Variants in ASIC2 observed in about 807,000 individuals in gnomAD.
ASIC2 encodes acid-sensing ion channel 2.
Under a neutral mutation model 57.3 loss-of-function variants are expected in ASIC2, and 25 were observed. The observed-to-expected ratio is 0.44, with a 90% CI of 0.32 to 0.61. The LOEUF is 0.61. Ranked by LOEUF, ASIC2 falls within the 20% of genes least tolerant of loss-of-function variation. The pLI, the probability that ASIC2 is intolerant of heterozygous loss-of-function variation, is 0.06. For synonymous variants in ASIC2, 319 were observed against 307.5 expected, an observed-to-expected ratio of 1.04 and a Z score of -0.39; for missense variants, 641 against 738.1, an observed-to-expected ratio of 0.87 and a Z score of 1.52.
At chr17:34,012,718 A>C (rs906555056) in intron 1 of ASIC2, among the ~76,000 whole-genome samples, 2 of 149,392 alleles carry the variant, frequency 1.3e-5, no homozygotes, top group Non-Finnish European at 3.0e-5. Flanking sequence ...ACAGAGAATG[A>C]TTTTTTTTTT....
intron 1 of ASIC2, among the ~76,000 whole-genome samples, chr17:33,479,504 C>T (rs944187602): frequency 6.6e-6 from 1 of 152,208 alleles, no homozygotes; most frequent in African/African-American, 2.4e-5. Context: ...GTTTGTCTTG[C>T]ACACAACAGT....
intron 1 of ASIC2, among the ~76,000 whole-genome samples, chr17:33,303,010 C>T (rs1906020310): frequency 6.6e-6 from 1 of 152,152 alleles, no homozygotes; most frequent in Non-Finnish European, 1.5e-5. Flanking sequence ...TAACCATTCA[C>T]TAAGCACTTA....
At chr17:34,104,036 G>A (rs895739622) in intron 1 of ASIC2, among the ~76,000 whole-genome samples, 10 of 152,132 alleles carry the variant, frequency 6.6e-5, no homozygotes, top group East Asian at 1.9e-4. Flanking sequence ...GCTATGGATC[G>A]CTGTGGGAAG....
chr17:34,156,015 A>T lies in ASIC2; in HGVS notation c.518T>A (p.Phe173Tyr), dbSNP rs1477008192. The T allele has an allele frequency of 1.9e-6, 3 of 1,613,490 alleles. No homozygotes were observed. Among genetic ancestry groups the T allele is most frequent in the Non-Finnish European group, 2.5e-6 (3 of 1,179,752 alleles). ...TTGGTGGCCGCACTCCTGCCCTTTG[A>T]ACTTGCAGTAGAGCATCATATCCTT... The change falls in exon 1 of 10, where the codon TTC becomes TAC. Residue 173 changes from phenylalanine to tyrosine, a missense_variant. Phe to Tyr is a conservative substitution (Grantham distance 22, BLOSUM62 3). Coordinates refer to the ASIC2 transcript ENST00000359872. This position sits in a 1 kb window ranked among gnomAD's most constrained non-coding sequence, Gnocchi z 4.4.
chr17:34,124,181 G>A (rs1432033709), intron 1 of ASIC2, among the ~76,000 whole-genome samples: 1 of 152,148 alleles, frequency 6.6e-6, no homozygotes, highest in Non-Finnish European at 1.5e-5. Flanking sequence ...GAAGGTTGAG[G>A]CACAGAGATT....
At chr17:34,015,588 T>A (rs1489763894) in intron 1 of ASIC2, among the ~76,000 whole-genome samples, 2 of 152,182 alleles carry the variant, frequency 1.3e-5, no homozygotes, top group African/African-American at 4.8e-5. Flanking sequence ...TGTTGTGGAA[T>A]TTTTTTACAA....
intron 1 of ASIC2, among the ~76,000 whole-genome samples, chr17:33,621,385 A>G (rs1905790920): frequency 6.6e-6 from 1 of 152,242 alleles, no homozygotes; most frequent in Admixed American, 6.5e-5. Context: ...TGTCTCAGGC[A>G]GATAGATCCC....
chr17:33,177,100 A>G (rs1905789656), intron 1 of ASIC2, among the ~76,000 whole-genome samples: 1 of 152,160 alleles, frequency 6.6e-6, no homozygotes, highest in South Asian at 2.1e-4. Flanking sequence ...ATTCCTCTAG[A>G]GTAATAATGG....
At chr17:33,054,509 G>C (rs2091990261) in intron 3 of ASIC2, among the ~76,000 whole-genome samples, 1 of 152,168 alleles carries the variant, frequency 6.6e-6, no homozygotes, top group African/African-American at 2.4e-5. Flanking sequence ...AGTCATGTGA[G>C]GGAAATCAAT....
intron 1 of ASIC2, among the ~76,000 whole-genome samples, chr17:33,790,999 C>A (rs1480314746): frequency 6.6e-6 from 1 of 152,164 alleles, no homozygotes; most frequent in African/African-American, 2.4e-5. Flanking sequence ...CAGCCTCAGC[C>A]AGAATTGCAA....
Position 34,099,303 on chromosome 17 carries a change from GAGAA to G in ASIC2, c.555+56671_555+56674del, listed in dbSNP as rs755183885. Among the ~76,000 whole-genome samples, 172 of 137,844 alleles carry G rather than the reference GAGAA, an allele frequency of 1.2e-3. 2 individuals carry two copies. Among genetic ancestry groups the G allele is most frequent in the East Asian group, 5.8e-3 (27 of 4,664 alleles). The allele number at this position is 137,844 out of a possible 152,430, so 90.4% of individuals were successfully genotyped here. ...GAAAAGAAAGGAAGGAAGAAAGAAA[GAGAA>G]AGAAAGAAAGGAAAGAAAGAAGGGA... On this transcript the variant is annotated intron_variant, in intron 1 of 9. Coordinates refer to the ASIC2 transcript ENST00000359872.
intron 1 of ASIC2, among the ~76,000 whole-genome samples, chr17:34,029,073 C>T (rs922119019): frequency 2.0e-5 from 3 of 152,152 alleles, no homozygotes; most frequent in African/African-American, 7.2e-5. Context: ...CATCCCCCTC[C>T]TACCTCCCCC....
intron 1 of ASIC2, among the ~76,000 whole-genome samples, chr17:33,623,292 C>T (rs4795817): frequency 0.52 from 79,066 of 151,452 alleles, 21,242 homozygotes; most frequent in African/African-American, 0.64. Flanking sequence ...GATGGAGTCT[C>T]TCTCTGTCAC....
At position 33,876,312 on chromosome 17, in the gene ASIC2, C is replaced by A. The variant is rs1914545609; in HGVS notation, c.555+279666G>T. 2.6e-5 allele frequency among the ~76,000 whole-genome samples: 4 copies of A among 152,188 alleles called. No individual in the cohort carries two copies. The South Asian group carries it at 8.3e-4, about 32-fold the overall frequency. On this transcript the variant is annotated intron_variant, in intron 1 of 9. Coordinates refer to the ASIC2 transcript ENST00000359872. ...AGTGTCACCCACATGGAATTGCCCA[C>A]CTTGGAAGACTCTCCAGACCTTGTT...
intron 1 of ASIC2, among the ~76,000 whole-genome samples, chr17:33,768,818 G>GGACTTCCTGACTTCAGGGA (rs1911010341): frequency 2.6e-5 from 4 of 152,098 alleles, no homozygotes; most frequent in African/African-American, 9.7e-5. Context: ...GTCGGTAGAG[G>GGACTTCCTGACTTCAGGGA]GGAAACAGCC....
chr17:33,217,636 A>G (rs1907546269), intron 1 of ASIC2, among the ~76,000 whole-genome samples: 1 of 152,200 alleles, frequency 6.6e-6, no homozygotes, highest in Admixed American at 6.5e-5. Context: ...TGGGTCGTAG[A>G]AAGAGCCCAG....
At chr17:34,066,727 C>T (rs1163598118) in intron 1 of ASIC2, among the ~76,000 whole-genome samples, 1 of 152,128 alleles carries the variant, frequency 6.6e-6, no homozygotes, top group East Asian at 1.9e-4. Flanking sequence ...CTCATTGTAT[C>T]CAGTGTTTTT....
chr17:33,619,431 A>G (rs1194299670), intron 1 of ASIC2, among the ~76,000 whole-genome samples: 1 of 152,224 alleles, frequency 6.6e-6, no homozygotes, highest in East Asian at 1.9e-4. Context: ...GTGCAAGTGC[A>G]ACATCTGAGG....
chr17:33,566,168 T>C (rs1236614985), intron 1 of ASIC2, among the ~76,000 whole-genome samples: 5 of 152,242 alleles, frequency 3.3e-5, no homozygotes. Context: ...AAGGGGAACT[T>C]GAAGTACAGA....
Sources: gnomAD v4.1 joint callset for allele counts (sites outside exome capture counted in the v4.1 genomes callset) on GRCh38, gnomAD v4.1.1 for gene constraint, Gnocchi (gnomAD v3.1) non-coding constraint, MANE v1.5 for transcripts, NCBI Gene and HGNC (gene_info 2026-07-23, HGNC 2026-07-21) for gene names.